Variants in CEP290 observed in about 807,000 individuals in gnomAD.
CEP290 encodes centrosomal protein 290, also known as centrosomal protein of 290 kDa.
CEP290 carries 317 observed loss-of-function variants against 344.9 expected under a neutral mutation model. That is an observed-to-expected ratio of 0.92 (90% confidence interval 0.84 to 1.01). CEP290 has a LOEUF of 1.01. CEP290 is among the 50% of genes least tolerant of loss of function. The pLI, the probability that CEP290 is intolerant of heterozygous loss-of-function variation, is 0.00. For synonymous variants in CEP290, 932 were observed against 895.8 expected (o/e 1.04, Z -0.72); for missense variants, 2,754 against 2,761.4 (o/e 1.00, Z 0.06).
At chr12:88,108,420 A>T (rs1472491204) in intron 23 of CEP290, among the ~76,000 whole-genome samples, 1 of 152,220 alleles carries the variant, frequency 6.6e-6, no homozygotes, top group Non-Finnish European at 1.5e-5. Context: ...CAACCATCAT[A>T]GGCGATAACA....
intron 25 of CEP290, among the ~76,000 whole-genome samples, chr12:88,105,937 A>C (rs1029194413): frequency 2.0e-5 from 3 of 151,978 alleles, no homozygotes; most frequent in Non-Finnish European, 2.9e-5. Flanking sequence ...AAAAAAAAAA[A>C]CATTTTTTGT....
rs1323417178 is a variant in CEP290, at chr12:88,063,952, G to A, written c.6270+29C>T. On this transcript the variant is annotated intron_variant, in intron 45 of 53. Transcript: ENST00000552810. ...ACTAAGGAAGGAGTTTTAGGCATTA[G>A]ATTTCCTAATAAAAAACATTAAATT... 3 of 1,558,176 alleles carry A rather than the reference G, an allele frequency of 1.9e-6. No individual in the cohort carries two copies. The South Asian group carries it at 3.6e-5, about 19-fold the overall frequency.
chr12:88,082,426 C>A (rs2036261006), intron 37 of CEP290, among the ~76,000 whole-genome samples: 1 of 152,196 alleles, frequency 6.6e-6, no homozygotes, highest in Admixed American at 6.5e-5. Context: ...GGTGCAATGG[C>A]TCAGGCCTGT....
In CEP290 at chr12:88,060,963, A is replaced by G; in HGVS notation, c.6389T>C (p.Leu2130Pro). The G allele has an allele frequency of 1.3e-6, 2 of 1,561,472 alleles. No homozygotes were observed. Among genetic ancestry groups the G allele is most frequent in the South Asian group, 1.2e-5 (1 of 83,086 alleles). Reference sequence around the variant, plus strand: ...TTTCATTAAACCAATGGTTTTTTCCAGTTCTGGGATTGTCTTTCCACTTCT... The same window carrying G: ...TTTCATTAAACCAATGGTTTTTTCCGGTTCTGGGATTGTCTTTCCACTTCT... ...SGRSGKTIPELEKTIGLMKKV... is the reference protein window; with the variant it reads ...SGRSGKTIPEPEKTIGLMKKV... Residue 2130 changes from leucine to proline, a missense_variant, in exon 47 of 54, where the codon CTG (leucine) becomes CCG (proline). By Grantham distance (98) the Leu-to-Pro change is moderately conservative. Coordinates refer to ENST00000552810, the MANE Select transcript of CEP290 (RefSeq NM_025114.4).
At chr12:88,065,257 T>TA (rs1461472715) in intron 44 of CEP290, among the ~76,000 whole-genome samples, 1 of 152,156 alleles carries the variant, frequency 6.6e-6, no homozygotes, top group East Asian at 1.9e-4. Flanking sequence ...TTATGGGTCT[T>TA]AAAATATATT....
chr12:88,079,357 G>T, intron 38 of CEP290, 128 bp from the exon 39 acceptor site: 1 of 684,966 alleles, frequency 1.5e-6, no homozygotes. Context: ...TGAGTTTAAT[G>T]GAACATATTT....
In CEP290 at chr12:88,084,874, A is replaced by G. The variant is rs762545508; in HGVS notation, c.4438-22T>C. The G allele has an allele frequency of 1.7e-5, 24 of 1,446,912 alleles. No homozygotes were observed. The East Asian group carries it at 5.5e-4, about 33-fold the overall frequency. The allele number at this position is 1,446,912 out of a possible 1,614,324, so 89.6% of individuals were successfully genotyped here. A position where few individuals can be genotyped will look rare whatever the true frequency, so the allele number is the denominator to read the frequency against. On this transcript the variant is annotated intron_variant, in intron 34 of 53. Coordinates refer to ENST00000552810, the MANE Select transcript of CEP290 (RefSeq NM_025114.4). ...GTTTCTGCAATGATTAAATTATAAT[A>G]AATCATTAAAGTATCTTTTTCCCTT...
At chr12:88,122,528 T>C (rs1170565263) in intron 13 of CEP290, among the ~76,000 whole-genome samples, 1 of 152,132 alleles carries the variant, frequency 6.6e-6, no homozygotes, top group Non-Finnish European at 1.5e-5. Context: ...AGAATACCAT[T>C]AGCCATTACG....
intron 44 of CEP290, among the ~76,000 whole-genome samples, chr12:88,066,473 CT>C (rs71448728): frequency 3.0e-3 from 15 of 4,958 alleles, no homozygotes; most frequent in Admixed American, 4.3e-3. Flanking sequence ...CTAATTGTTT[CT>C]TTTTTTTTTT....
chr12:88,050,935 T>TA (rs2033447428), intron 52 of CEP290, among the ~76,000 whole-genome samples: 1 of 152,190 alleles, frequency 6.6e-6, no homozygotes, highest in Non-Finnish European at 1.5e-5. Context: ...ATAGCCCTGA[T>TA]ACTTTGGTAG....
At chr12:88,093,261 G>A (rs541611083) in intron 28 of CEP290, among the ~76,000 whole-genome samples, 32 of 152,070 alleles carry the variant, frequency 2.1e-4, no homozygotes, top group African/African-American at 7.7e-4. Flanking sequence ...AAATCTCAAG[G>A]TAAGCAAACA....
Position 88,128,834 on chromosome 12 carries a change from AC to A in CEP290, c.942+111del. ...AAATAAAATAAACTTATGTTTAAAA[AC>A]CCTAATAAACGTGTTATAAACCAGT... On this transcript the variant is annotated intron_variant, in intron 11 of 53. Coordinates refer to ENST00000552810, the MANE Select transcript of CEP290 (RefSeq NM_025114.4). 3 of 578,564 alleles carry A rather than the reference AC, an allele frequency of 5.2e-6. No homozygotes were observed. In the South Asian group the frequency reaches 8.1e-5, roughly 16 times the overall value. The allele number at this position is 578,564 out of a possible 1,614,324, so 35.8% of individuals were successfully genotyped here. A position where few individuals can be genotyped will look rare whatever the true frequency, so the allele number is the denominator to read the frequency against.
At chr12:88,098,879 C>T (rs1461037771) in intron 26 of CEP290, among the ~76,000 whole-genome samples, 1 of 151,978 alleles carries the variant, frequency 6.6e-6, no homozygotes, top group Admixed American at 6.6e-5. Flanking sequence ...AGCACCCAAG[C>T]AGAGTAAGCA....
intron 9 of CEP290, 33 bp from the exon 10 acceptor site, chr12:88,129,909 T>G: frequency 1.5e-6 from 2 of 1,298,940 alleles, no homozygotes; most frequent in East Asian, 5.8e-5. Context: ...AATTAAAAAG[T>G]AATTTTAAAA....
At chr12:88,093,294 T>C (rs1447527005) in intron 28 of CEP290, among the ~76,000 whole-genome samples, 1 of 152,114 alleles carries the variant, frequency 6.6e-6, no homozygotes, top group African/African-American at 2.4e-5. Context: ...TGTTTAATCA[T>C]AAATTGTTAA....
chr12:88,124,294 C>T (rs761903838), intron 13 of CEP290, among the ~76,000 whole-genome samples: 1 of 152,118 alleles, frequency 6.6e-6, no homozygotes, highest in East Asian at 1.9e-4. Context: ...AAAAAGACTT[C>T]TTTGTTGTTC....
At position 88,096,927 on chromosome 12, in the gene CEP290, G is replaced by A. The variant is rs916545578; in HGVS notation, c.3064C>T (p.His1022Tyr). The A allele has an allele frequency of 8.2e-6, 13 of 1,582,312 alleles. No individual in the cohort carries two copies. Among genetic ancestry groups the A allele is most frequent in the South Asian group, 5.8e-5 (5 of 86,292 alleles). Residue 1022 changes from histidine (H) to tyrosine (Y), a missense_variant, in exon 27 of 54, where the codon CAC becomes TAC. By Grantham distance (83) the His-to-Tyr change is moderately conservative. Coordinates refer to ENST00000552810, the MANE Select transcript of CEP290 (RefSeq NM_025114.4). ...TGTTCCCAGGCTTGTTCAATAGTGT[G>A]AAGTTTTTCCTTGGTAATCTCCAGT... is the stretch of plus-strand genomic sequence containing the variant. ...KELEITKEKL[H>Y]TIEQAWEQET... is the part of the protein sequence containing the mutation.
intron 17 of CEP290, 131 bp from the exon 18 acceptor site, chr12:88,117,276 A>C: frequency 1.8e-6 from 1 of 546,172 alleles, no homozygotes. Flanking sequence ...ATCCCTCCAA[A>C]ATTCTACATA....
chr12:88,125,768 G>A lies in CEP290; in HGVS notation c.1066-399C>T, dbSNP rs116412520. ...CCCCTTTCGTACTTTATTAAAAAAT[G>A]TTGTCCCCTGTAATTGTTCTTATTC... On this transcript the variant is annotated intron_variant, in intron 12 of 53. Coordinates refer to ENST00000552810, the MANE Select transcript of CEP290 (RefSeq NM_025114.4). Among the ~76,000 whole-genome samples, 1,146 of 151,872 alleles carry A rather than the reference G, an allele frequency of 7.5e-3. 20 individuals are homozygous for A. Among genetic ancestry groups the A allele is most frequent in the African/African-American group, 0.027 (1,100 of 41,464 alleles).
Sources: gnomAD v4.1 joint callset for allele counts (sites outside exome capture counted in the v4.1 genomes callset) on GRCh38, gnomAD v4.1.1 for gene constraint, MANE v1.5 for transcripts, NCBI Gene and HGNC (gene_info 2026-07-23, HGNC 2026-07-21) for gene names.